The following ACACA variants were observed in gnomAD, a reference collection of about 807,000 sequenced individuals.
The protein encoded by ACACA is acetyl-CoA carboxylase 1.
Under a neutral mutation model 296.1 loss-of-function variants are expected in ACACA, and 103 were observed. The observed-to-expected ratio is 0.35, with a 90% CI of 0.30 to 0.41. The LOEUF (loss-of-function observed/expected upper bound fraction) is 0.41, where lower values mean the gene tolerates loss of function less well. Ranked by LOEUF, ACACA falls within the 10% of genes least tolerant of loss-of-function variation. ACACA has a pLI of 1.00. For missense variants in ACACA, 1,554 were observed against 2,989.7 expected (o/e 0.52, Z 11.20); for synonymous variants, 953 against 1,038.6 (o/e 0.92, Z 1.58).
In ACACA at chr17:37,248,606, T is replaced by C; in HGVS notation, c.2150A>G (p.Lys717Arg). The stretch of plus-strand genomic sequence containing the variant: ...GGTTCTGCATACCTTAAGTACATAC[T>C]TGACTCCCTCATAGATAAGTTCAAC... ...VDVELIYEGVKYVLKVTRQSP... is the reference protein window; with the variant it reads ...VDVELIYEGVRYVLKVTRQSP... Residue 717 changes from lysine to arginine, a missense_variant, in exon 17 of 56, where the codon AAG becomes AGG. Physicochemically the swap from Lys to Arg is conservative, Grantham distance 26. Coordinates refer to ENST00000616317, the MANE Select transcript of ACACA (RefSeq NM_198834.3). The C allele has an allele frequency of 1.2e-6, 2 of 1,607,564 alleles. No individual in the cohort carries two copies. The highest frequency in any genetic ancestry group is 1.7e-6 in the Non-Finnish European group (2 of 1,174,652).
chr17:37,302,328 G>C (rs1428439677), intron 3 of ACACA, among the ~76,000 whole-genome samples: 3 of 151,976 alleles, frequency 2.0e-5, no homozygotes, highest in Non-Finnish European at 4.4e-5. Context: ...TCCCGCCTCA[G>C]CCTCCCGAGT....
chr17:37,327,281 A>C (rs2047665847), intron 3 of ACACA, among the ~76,000 whole-genome samples: 1 of 152,238 alleles, frequency 6.6e-6, no homozygotes, highest in Non-Finnish European at 1.5e-5. Flanking sequence ...GTCATAACAG[A>C]GGTCTTTCAC....
chr17:37,384,032 G>C (rs1217983242), intron 1 of ACACA, among the ~76,000 whole-genome samples: 2 of 152,166 alleles, frequency 1.3e-5, no homozygotes, highest in Admixed American at 1.3e-4. Flanking sequence ...TTGGGAGCCC[G>C]AGGCGGGCAG....
intron 54 of ACACA, among the ~76,000 whole-genome samples, chr17:37,091,216 T>G (rs2072608629): frequency 6.6e-6 from 1 of 152,236 alleles, no homozygotes; most frequent in Non-Finnish European, 1.5e-5. Context: ...CTTCCCCTCC[T>G]GCAGCCACAG....
chr17:37,278,980 G>A (rs1329029807), intron 5 of ACACA, among the ~76,000 whole-genome samples: 1 of 151,964 alleles, frequency 6.6e-6, no homozygotes, highest in Non-Finnish European at 1.5e-5. Context: ...CCATCACCTA[G>A]GTATTAAGCC....
intron 55 of ACACA, 116 bp from the exon 56 acceptor site, chr17:37,087,555 A>C (rs1178975126): frequency 8.0e-7 from 1 of 1,248,286 alleles, no homozygotes; most frequent in Admixed American, 1.9e-5. Context: ...CATTTTAGTC[A>C]CGCCTCACCT....
At chr17:37,159,909 G>A (rs997005494) in intron 42 of ACACA, among the ~76,000 whole-genome samples, 3 of 152,208 alleles carry the variant, frequency 2.0e-5, no homozygotes, top group Admixed American at 6.5e-5. Flanking sequence ...ACAGAAGAAA[G>A]TATTTCAAGG....
intron 55 of ACACA, among the ~76,000 whole-genome samples, chr17:37,087,848 GGT>G (rs1302070608): frequency 2.6e-5 from 4 of 152,264 alleles, no homozygotes; most frequent in South Asian, 4.1e-4. Context: ...AATTGTGGAG[GGT>G]GTGCTGGAGT....
At chr17:37,357,056 G>T (rs1597697781) in intron 1 of ACACA, among the ~76,000 whole-genome samples, 1 of 152,170 alleles carries the variant, frequency 6.6e-6, no homozygotes, top group East Asian at 1.9e-4. Flanking sequence ...TCTGAGGCTG[G>T]CTTTCACAAT....
intron 10 of ACACA, among the ~76,000 whole-genome samples, chr17:37,266,212 G>A (rs556774182): frequency 2.0e-5 from 3 of 152,090 alleles, no homozygotes; most frequent in Admixed American, 6.5e-5. Flanking sequence ...TCAGGAGTTC[G>A]AGACCAGCCT....
intron 3 of ACACA, among the ~76,000 whole-genome samples, chr17:37,305,632 A>G (rs753025385): frequency 7.2e-5 from 11 of 152,168 alleles, no homozygotes; most frequent in Non-Finnish European, 1.5e-4. Flanking sequence ...GCTTGCCCCA[A>G]CCACAAACAG....
At position 37,151,402 on chromosome 17, in the gene ACACA, T is replaced by A. The variant is rs1212719610; in HGVS notation, c.5467A>T (p.Ile1823Phe). 6.2e-7 allele frequency: 1 copy of A among 1,613,876 alleles called. No individual in the cohort carries two copies. ...GGTCCAATTCCCTCTTCTTTCCCAA[T>A]AATATCTGTTATCTTGTACCTATTG... is the stretch of plus-strand genomic sequence containing the variant. ...GESRYKITDI[I>F]GKEEGIGPEN... The change falls in exon 44 of 56, where the codon ATT (isoleucine) becomes TTT (phenylalanine). Residue 1823 changes from isoleucine (I) to phenylalanine (F), a missense_variant. By Grantham distance (21) the Ile-to-Phe change is conservative. Transcript: ENST00000616317.
At chr17:37,146,597 C>T (rs543876954) in intron 45 of ACACA, among the ~76,000 whole-genome samples, 4 of 136,884 alleles carry the variant, frequency 2.9e-5, no homozygotes, top group South Asian at 2.4e-4. Flanking sequence ...ATAACAACCT[C>T]GTGGTTTATA....
At chr17:37,233,713 T>C (rs1005213786) in intron 25 of ACACA, among the ~76,000 whole-genome samples, 1 of 152,132 alleles carries the variant, frequency 6.6e-6, no homozygotes, top group Non-Finnish European at 1.5e-5. Context: ...CTAAATAGTC[T>C]TTCTTCCTTC....
chr17:37,179,154 C>T (rs1393154859), intron 41 of ACACA, 106 bp downstream of exon 41: 11 of 1,413,770 alleles, frequency 7.8e-6, no homozygotes, highest in Non-Finnish European at 9.9e-6. Context: ...AAAGAACTCT[C>T]CCAACAAGAC....
chr17:37,237,243 G>C (rs1429063546), intron 24 of ACACA, among the ~76,000 whole-genome samples: 1 of 152,102 alleles, frequency 6.6e-6, no homozygotes, highest in Non-Finnish European at 1.5e-5. Context: ...GAATATACCA[G>C]ACTTCAATGA....
At chr17:37,397,758 T>C (rs1359343040) in intron 1 of ACACA, among the ~76,000 whole-genome samples, 1 of 152,084 alleles carries the variant, frequency 6.6e-6, no homozygotes, top group Non-Finnish European at 1.5e-5. Flanking sequence ...ATACTGAAAT[T>C]TCAGATCCAA....
intron 45 of ACACA, among the ~76,000 whole-genome samples, chr17:37,142,799 T>TA (rs1226368155): frequency 1.3e-5 from 2 of 152,250 alleles, no homozygotes; most frequent in African/African-American, 4.8e-5. Context: ...CGTTGATTGT[T>TA]GCTAGATACA....
intron 24 of ACACA, among the ~76,000 whole-genome samples, chr17:37,238,344 A>AC (rs2080220487): frequency 6.6e-6 from 1 of 150,858 alleles, no homozygotes; most frequent in African/African-American, 2.4e-5. Flanking sequence ...GAAAAAAAAA[A>AC]AATCTATCCT....
Sources: gnomAD v4.1 joint callset for allele counts (sites outside exome capture counted in the v4.1 genomes callset) on GRCh38, gnomAD v4.1.1 for gene constraint, MANE v1.5 for transcripts, NCBI Gene and HGNC (gene_info 2026-07-23, HGNC 2026-07-21) for gene names.